SQSTM1: variants seen among roughly 807,000 people sequenced by gnomAD.
SQSTM1 encodes sequestosome-1.
SQSTM1 carries 36 observed loss-of-function variants against 45.1 expected under a neutral mutation model. The observed-to-expected ratio is 0.80, with a 90% CI of 0.61 to 1.05. The LOEUF (loss-of-function observed/expected upper bound fraction) is 1.05. Ranked by LOEUF, SQSTM1 falls within the 50% of genes least tolerant of loss-of-function variation. The probability of loss-of-function intolerance (pLI) is 0.00; values close to 1 mark genes in which losing one functional copy is unlikely to be tolerated. For synonymous variants in SQSTM1, 290 were observed against 244.3 expected (o/e 1.19, Z -1.74); for missense variants, 617 against 607.1 (o/e 1.02, Z -0.17).
At chr5:179,832,978 C>T (rs1467181916) in intron 5 of SQSTM1, 54 bp from the exon 6 acceptor site, 13 of 1,581,594 alleles carry the variant, frequency 8.2e-6, no homozygotes, top group South Asian at 1.1e-5. Context: ...CTCCTGCTTG[C>T]AGGTGCATCC....
chr5:179,833,306 C>A, intron 6 of SQSTM1, 60 bp downstream of exon 6: 1 of 1,461,662 alleles, frequency 6.8e-7, no homozygotes, highest in Non-Finnish European at 9.3e-7. Context: ...CTGTGGCCTG[C>A]ACCTCCGCCT....
intron 1 of SQSTM1, among the ~76,000 whole-genome samples, chr5:179,809,637 CTTTTTTTT>C (rs1181470503): frequency 1.8e-4 from 14 of 77,666 alleles, no homozygotes; most frequent in South Asian, 4.6e-4. Context: ...GCGCCTGGCC[CTTTTTTTT>C]TTTTTTTTTT....
chr5:179,821,962 G>T (rs1757799519), intron 1 of SQSTM1, among the ~76,000 whole-genome samples: 1 of 151,898 alleles, frequency 6.6e-6, no homozygotes, highest in African/African-American at 2.4e-5. Context: ...AAAAAAAATT[G>T]TGATGTTATT....
intron 1 of SQSTM1, among the ~76,000 whole-genome samples, chr5:179,808,649 C>G (rs973287433): frequency 1.3e-5 from 2 of 151,498 alleles, no homozygotes; most frequent in Non-Finnish European, 2.9e-5. Context: ...AACCCCGTCT[C>G]TACTAAAAAA....
chr5:179,826,166 GA>G (rs758915139), intron 5 of SQSTM1, among the ~76,000 whole-genome samples: 102 of 151,326 alleles, frequency 6.7e-4, no homozygotes, highest in Non-Finnish European at 1.2e-3. Context: ...TGCTCATTCC[GA>G]TTTTTTTTTT....
rs530584888 is a variant in SQSTM1 at position 179,823,411 on chromosome 5, C to T, written c.301+358C>T. On this transcript the variant is annotated intron_variant, in intron 2 of 7. Transcript: ENST00000389805. The stretch of plus-strand genomic sequence containing the variant: ...CCTGGAGAGCGGAGGTTGCCATGAG[C>T]CGAAATCACATGACTGTACTCCAGC... Among the ~76,000 whole-genome samples, 7 of 120,300 alleles carry T rather than the reference C, an allele frequency of 5.8e-5. No individual in the cohort carries two copies. In the Admixed American group the frequency reaches 8.5e-4, roughly 15 times the overall value. The allele number at this position is 120,300 out of a possible 152,430, so 78.9% of individuals were successfully genotyped here. A position where few individuals can be genotyped will look rare whatever the true frequency, so the allele number is the denominator to read the frequency against.
At chr5:179,831,457 T>C (rs1054977569) in intron 5 of SQSTM1, among the ~76,000 whole-genome samples, 8 of 151,092 alleles carry the variant, frequency 5.3e-5, no homozygotes, top group African/African-American at 1.9e-4. Context: ...AGGTCAGGAG[T>C]TCAAGACCAG....
At chr5:179,809,641 T>G (rs1036524580) in intron 1 of SQSTM1, among the ~76,000 whole-genome samples, 1 of 130,010 alleles carries the variant, frequency 7.7e-6, no homozygotes, top group African/African-American at 2.9e-5. Flanking sequence ...CTGGCCCTTT[T>G]TTTTTTTTTT....
At chr5:179,810,916 GA>G (rs945115803) in intron 1 of SQSTM1, among the ~76,000 whole-genome samples, 127 of 147,290 alleles carry the variant, frequency 8.6e-4, no homozygotes, top group African/African-American at 2.2e-3. Context: ...TTTTTTTAAG[GA>G]AAAAAAAAAA....
At position 179,824,073 on chromosome 5, in the gene SQSTM1, G is replaced by A. The variant is rs200731802; in HGVS notation, c.517G>A (p.Gly173Arg). The change falls in exon 3 of 8, where the codon GGG becomes AGG. Residue 173 changes from glycine (G) to arginine (R), a missense_variant. Transcript: ENST00000389805. ...CAAGCTCGCATTCCCCAGCCCCTTC[G>A]GGCACCTGTCTGAGGTGAGCAGGCC... ...HTKLAFPSPF[G>R]HLSEGFSHSR... is the part of the protein sequence containing the mutation. 1.1e-5 allele frequency: 17 copies of A among 1,613,858 alleles called. No individual in the cohort carries two copies. Among genetic ancestry groups the A allele is most frequent in the Admixed American group, 1.7e-5 (1 of 60,022 alleles).
upstream of SQSTM1, among the ~76,000 whole-genome samples, chr5:179,817,653 G>A (rs747960430): frequency 1.4e-4 from 22 of 152,180 alleles, no homozygotes; most frequent in Middle Eastern, 3.2e-3. Flanking sequence ...CCTTGTGGGC[G>A]TGCCCCTCCC....
intron 5 of SQSTM1, among the ~76,000 whole-genome samples, chr5:179,827,226 C>A (rs1758030766): frequency 6.6e-6 from 1 of 152,144 alleles, no homozygotes; most frequent in Admixed American, 6.5e-5. Context: ...TCAAGACCCA[C>A]CTGTGCTGGT....
intron 5 of SQSTM1, among the ~76,000 whole-genome samples, chr5:179,830,346 A>G (rs995346433): frequency 2.0e-5 from 3 of 152,150 alleles, no homozygotes; most frequent in Admixed American, 2.0e-4. Flanking sequence ...CAGCTAGGAG[A>G]CAATGGAACA....
chr5:179,822,862 T>C (rs751307492), intron 1 of SQSTM1, 96 bp from the exon 2 acceptor site: 3 of 1,014,084 alleles, frequency 3.0e-6, no homozygotes, highest in Middle Eastern at 2.0e-4. Context: ...TATAGCCCTG[T>C]GAGTGTCCCT....
At chr5:179,832,208 G>T in intron 5 of SQSTM1, among the ~76,000 whole-genome samples, 1 of 152,256 alleles carries the variant, frequency 6.6e-6, no homozygotes, top group East Asian at 1.9e-4. Context: ...AGCGTGAGCT[G>T]AAAGGGCACA....
In SQSTM1 at chr5:179,827,363, A is replaced by G. The variant is rs541944737; in HGVS notation, c.754+2137A>G. Among the ~76,000 whole-genome samples, 7 of 152,206 alleles carry G rather than the reference A, an allele frequency of 4.6e-5. No homozygotes were observed. In the East Asian group the frequency reaches 1.4e-3, roughly 29 times the overall value. ...GTTGCCCAGGCTGGAGTGCAGTGGC[A>G]CGATCTTGGCTCCTGGGTTCACGCC... is the stretch of plus-strand genomic sequence containing the variant. On this transcript the variant is annotated intron_variant, in intron 5 of 7. Transcript: ENST00000389805.
intron 7 of SQSTM1, among the ~76,000 whole-genome samples, chr5:179,833,988 A>T (rs1758372783): frequency 6.6e-6 from 1 of 152,060 alleles, no homozygotes; most frequent in African/African-American, 2.4e-5. Context: ...AGTTCTGAAA[A>T]TGTTTTTCTT....
chr5:179,820,178 A>AT (rs1364125519), upstream of SQSTM1: 1 of 152,390 alleles, frequency 6.6e-6, no homozygotes, highest in African/African-American at 2.4e-5. Flanking sequence ...GGCCATGGGC[A>AT]TTACCTGCTG....
intron 2 of SQSTM1, chr5:179,813,053 C>T (rs1317086737): frequency 6.9e-6 from 1 of 144,888 alleles, no homozygotes; most frequent in Non-Finnish European, 1.5e-5. Context: ...GGTCCTTCAT[C>T]TTCTGCAGAT....
Sources: gnomAD v4.1 joint callset for allele counts (sites outside exome capture counted in the v4.1 genomes callset) on GRCh38, gnomAD v4.1.1 for gene constraint, MANE v1.5 for transcripts, NCBI Gene and HGNC (gene_info 2026-07-23, HGNC 2026-07-21) for gene names.